CEP44: variants seen among roughly 807,000 people sequenced by gnomAD.
CEP44 encodes the protein centrosomal protein of 44 kDa.
A neutral mutation model predicts 46.7 loss-of-function variants in CEP44; 45 were observed. The ratio of observed to expected loss-of-function variants is 0.96; its 90% CI spans 0.76 to 1.24. CEP44 has a LOEUF of 1.24. Ranked by LOEUF, CEP44 falls within the 50% of genes most tolerant of loss-of-function variation. CEP44 has a pLI of 0.00. For missense variants in CEP44, 475 were observed against 459.7 expected (o/e 1.03, Z -0.30); for synonymous variants, 142 against 146.0 (o/e 0.97, Z 0.20).
chr4:174,327,167 A>G lies in CEP44; in HGVS notation c.1087-4315A>G, dbSNP rs529585968. Reference sequence around the variant, plus strand: ...TATGTGTGTATACGTGTGTGTGTGTATATATATGTATATATATATTTAGAG... The same window carrying G: ...TATGTGTGTATACGTGTGTGTGTGTGTATATATGTATATATATATTTAGAG... On this transcript the variant is annotated intron_variant, in intron 8 of 8. Coordinates refer to the CEP44 transcript ENST00000426172. Among the ~76,000 whole-genome samples, 52 of 143,546 alleles carry G rather than the reference A, an allele frequency of 3.6e-4. No individual in the cohort carries two copies. In the East Asian group the frequency reaches 5.6e-3, roughly 15 times the overall value. The allele number at this position is 143,546 out of a possible 152,430, so 94.2% of individuals were successfully genotyped here.
intron 4 of CEP44, among the ~76,000 whole-genome samples, chr4:174,303,093 T>TA (rs940693216): frequency 2.6e-5 from 4 of 152,114 alleles, no homozygotes; most frequent in African/African-American, 9.7e-5. Context: ...AATAGTCTTT[T>TA]AAAAAAAGCA....
chr4:174,313,180 C>T (rs1179786113), intron 9 of CEP44, among the ~76,000 whole-genome samples: 1 of 152,038 alleles, frequency 6.6e-6, no homozygotes, highest in Non-Finnish European at 1.5e-5. Context: ...TATGTTCGGA[C>T]ATGAATGGTG....
At chr4:174,292,415 G>T (rs978307905) in intron 1 of CEP44, among the ~76,000 whole-genome samples, 4 of 152,100 alleles carry the variant, frequency 2.6e-5, no homozygotes, top group Admixed American at 6.5e-5. Context: ...CCTAGATTTG[G>T]TAAGTTTTCA....
At position 174,318,146 on chromosome 4, in the gene CEP44, C is replaced by A; in HGVS notation, c.*763C>A. 1 of 837,784 alleles carries A rather than the reference C, an allele frequency of 1.2e-6. No homozygotes were observed. The highest frequency in any genetic ancestry group is 1.4e-6 in the Non-Finnish European group (1 of 695,380). The allele number at this position is 837,784 out of a possible 1,614,324, so 51.9% of individuals were successfully genotyped here. ...TAGCACGATCTTGGCTCACCGCAAC[C>A]TCTGCCTACCGGGTTCAAGTGATTC... On this transcript the variant is annotated 3_prime_UTR_variant, in exon 12 of 12. Transcript: ENST00000503780.
At chr4:174,295,027 G>A (rs1738771214) in intron 1 of CEP44, among the ~76,000 whole-genome samples, 2 of 140,904 alleles carry the variant, frequency 1.4e-5, no homozygotes, top group Admixed American at 6.9e-5. Flanking sequence ...GCCAGGCGGG[G>A]GGCTGACCCC....
intron 6 of CEP44, among the ~76,000 whole-genome samples, chr4:174,308,484 AG>A (rs1340672966): frequency 1.3e-5 from 2 of 152,088 alleles, no homozygotes; most frequent in African/African-American, 2.4e-5. Flanking sequence ...CAGAGGGTGG[AG>A]GGTAGGAGGA....
rs4695918 is a variant in CEP44, at chr4:174,304,301, G to A, written c.439G>A (p.Gly147Ser). Residue 147 changes from glycine to serine, a missense_variant, in exon 6 of 12, where the codon GGC (glycine) becomes AGC (serine). Transcript: ENST00000503780. ...TTCTGGTAAGTCAGAACCTCCTTTGGGCAATGAGAAAATATCTGCAGAGGC... is the reference window on the plus strand; with the variant it reads ...TTCTGGTAAGTCAGAACCTCCTTTGAGCAATGAGAAAATATCTGCAGAGGC... ...ISSGKSEPPLGNEKISAEAVG... is the reference protein window; with the variant it reads ...ISSGKSEPPLSNEKISAEAVG... The A allele has an allele frequency of 0.52, 841,710 of 1,609,614 alleles. 226,325 individuals carry two copies. Among genetic ancestry groups the A allele is most frequent in the African/African-American group, 0.57 (42,333 of 74,624 alleles).
chr4:174,287,423 G>C lies in CEP44; in HGVS notation c.-148+3480G>C, dbSNP rs551764382. Among the ~76,000 whole-genome samples, 53 of 152,268 alleles carry C rather than the reference G, an allele frequency of 3.5e-4. 3 individuals carry two copies. The South Asian group carries it at 0.01, about 30-fold the overall frequency. ...GCAGGATGCCGAGGGGTATTAGCCA[G>C]ATGGAGAATGGGAGAGGGAAGGAGT... On this transcript the variant is annotated intron_variant, in intron 1 of 11. Coordinates refer to ENST00000503780, the MANE Select transcript of CEP44 (RefSeq NM_001040157.3). This position sits in a 1 kb window ranked among gnomAD's most constrained non-coding sequence, Gnocchi z 5.1.
rs750713311 is a variant in CEP44 at position 174,310,016 on chromosome 4, G to T, written c.845G>T (p.Arg282Leu). ...DENTWTNLLS[R>L]VTLLETEMLL... ...AACACCTGGACTAATCTTCTTAGTC[G>T]TGTCACTCTTCTTGAAACAGAAATG... The change falls in exon 8 of 12, where the codon CGT (arginine) becomes CTT (leucine). Residue 282 changes from arginine to leucine, a missense_variant. Coordinates refer to ENST00000503780, the MANE Select transcript of CEP44 (RefSeq NM_001040157.3). The surrounding 1 kb of genome is among the most constrained non-coding windows in gnomAD (Gnocchi z 4.2). 2 of 1,612,274 alleles carry T rather than the reference G, an allele frequency of 1.2e-6. No homozygotes were observed. The highest frequency in any genetic ancestry group is 2.2e-5 in the East Asian group (1 of 44,740).
chr4:174,330,488 C>CAAA (rs199858781), intron 8 of CEP44, among the ~76,000 whole-genome samples: 1 of 75,062 alleles, frequency 1.3e-5, no homozygotes, highest in African/African-American at 4.7e-5. Context: ...GACTTCGTCT[C>CAAA]AAAAAAAAAA....
At chr4:174,289,642 A>G (rs1009535622) in intron 1 of CEP44, among the ~76,000 whole-genome samples, 1 of 151,914 alleles carries the variant, frequency 6.6e-6, no homozygotes, top group African/African-American at 2.4e-5. Flanking sequence ...AAGTCTAGCC[A>G]AGGATTTGTT....
rs1741084406 is a variant in CEP44, at chr4:174,311,566, C to A, written c.961+708C>A. 6.6e-6 allele frequency among the ~76,000 whole-genome samples: 1 copy of A among 152,086 alleles called. No individual in the cohort carries two copies. Among genetic ancestry groups the A allele is most frequent in the African/African-American group, 2.4e-5 (1 of 41,442 alleles). ...GGATTGTTAACGTTATAAAATCTTT[C>A]AGCTCTACTATATGTGTAACAATAA... is the stretch of plus-strand genomic sequence containing the variant. On this transcript the variant is annotated intron_variant, in intron 9 of 11. Coordinates refer to ENST00000503780, the MANE Select transcript of CEP44 (RefSeq NM_001040157.3). This position sits in a 1 kb window ranked among gnomAD's most constrained non-coding sequence, Gnocchi z 4.4.
chr4:174,309,819 A>G lies in CEP44; in HGVS notation c.679-31A>G. 1 of 1,421,572 alleles carries G rather than the reference A, an allele frequency of 7.0e-7. No homozygotes were observed. Among genetic ancestry groups the G allele is most frequent in the East Asian group, 2.4e-5 (1 of 41,498 alleles). The allele number at this position is 1,421,572 out of a possible 1,614,324, so 88.1% of individuals were successfully genotyped here. A position where few individuals can be genotyped will look rare whatever the true frequency, so the allele number is the denominator to read the frequency against. On this transcript the variant is annotated intron_variant, in intron 7 of 11. Transcript: ENST00000503780. This position sits in a 1 kb window ranked among gnomAD's most constrained non-coding sequence, Gnocchi z 5.3. The stretch of plus-strand genomic sequence containing the variant: ...TTTTAAAGAAATTTCAGTTTGTTTA[A>G]TTTTATTTTTAATCTCTCTAACCTT...
In CEP44 at chr4:174,301,926, G is replaced by A. The variant is rs772701980; in HGVS notation, c.90-113G>A. ...GTATCACCTAATTATTATAGCTATA[G>A]TGTTAAGTTTTAAATTATTATAAAC... On this transcript the variant is annotated intron_variant, in intron 3 of 11. Coordinates refer to ENST00000503780, the MANE Select transcript of CEP44 (RefSeq NM_001040157.3). The surrounding 1 kb of genome is among the most constrained non-coding windows in gnomAD (Gnocchi z 4.3). The A allele has an allele frequency of 1.8e-5, 16 of 899,410 alleles. No homozygotes were observed. Among genetic ancestry groups the A allele is most frequent in the Non-Finnish European group, 2.6e-5 (16 of 608,600 alleles). 55.7% of individuals were successfully genotyped at this position (899,410 alleles called of 1,614,324 possible). A position where few individuals can be genotyped will look rare whatever the true frequency, so the allele number is the denominator to read the frequency against.
At chr4:174,323,487 A>G (rs1742456600), downstream of CEP44, among the ~76,000 whole-genome samples, 1 of 152,016 alleles carries the variant, frequency 6.6e-6, no homozygotes. Flanking sequence ...TAAGCCAATC[A>G]CTGAGACAAT....
intron 8 of CEP44, among the ~76,000 whole-genome samples, chr4:174,328,449 T>C (rs1248084888): frequency 6.6e-6 from 1 of 152,228 alleles, no homozygotes; most frequent in Non-Finnish European, 1.5e-5. Flanking sequence ...CTGGAATTGA[T>C]ACAGTGATTT....
chr4:174,308,983 A>T, intron 7 of CEP44, 124 bp downstream of exon 7: 3 of 847,216 alleles, frequency 3.5e-6, no homozygotes, highest in Non-Finnish European at 5.6e-6. Flanking sequence ...CATTTTATCT[A>T]TGTTACAATT....
At chr4:174,303,552 T>A (rs1412427195) in intron 4 of CEP44, 151 bp from the exon 5 acceptor site, 1 of 454,178 alleles carries the variant, frequency 2.2e-6, no homozygotes, top group Non-Finnish European at 4.0e-6. Flanking sequence ...ACACCAGCCC[T>A]ATGAATTACT....
At chr4:174,302,015 A>T (rs1553982801) in intron 3 of CEP44, 24 bp from the exon 4 acceptor site, 4 of 1,572,406 alleles carry the variant, frequency 2.5e-6, no homozygotes, top group Non-Finnish European at 3.4e-6. Flanking sequence ...CTTATTAAAA[A>T]TATTTTTCTT....
Sources: allele counts gnomAD v4.1 joint callset (sites outside exome capture counted in the v4.1 genomes callset), GRCh38; gene constraint gnomAD v4.1.1; non-coding constraint Gnocchi (gnomAD v3.1); transcripts MANE v1.5; gene names NCBI Gene and HGNC (gene_info 2026-07-23, HGNC 2026-07-21).